Variants in PCDHA5 observed in about 807,000 individuals in gnomAD.
PCDHA5 encodes protocadherin alpha 5, also known as protocadherin alpha-5.
In PCDHA5, 43 loss-of-function variants were observed where a neutral mutation model predicts 61.6. The ratio of observed to expected loss-of-function variants is 0.70; its 90% CI spans 0.55 to 0.90. The LOEUF (loss-of-function observed/expected upper bound fraction) is 0.90. Among genes scored for constraint, PCDHA5 ranks in the 40% least tolerant of loss-of-function variants. The probability of loss-of-function intolerance (pLI) is 0.00; values close to 1 mark genes in which losing one functional copy is unlikely to be tolerated. For missense variants in PCDHA5, 1,298 were observed against 1,222.7 expected, an observed-to-expected ratio of 1.06 and a Z score of -0.92; for synonymous variants, 627 against 543.9, an observed-to-expected ratio of 1.15 and a Z score of -2.13.
intron 1 of PCDHA5, chr5:140,857,534 C>G: frequency 1.9e-6 from 3 of 1,597,458 alleles, no homozygotes; most frequent in Non-Finnish European, 2.6e-6. Flanking sequence ...TCTGGTGGAG[C>G]GGCGGTTGGG....
At chr5:140,870,099 C>T in intron 1 of PCDHA5, 8 of 1,613,912 alleles carry the variant, frequency 5.0e-6, no homozygotes, top group Non-Finnish European at 6.8e-6. Context: ...TGGCAGGTCA[C>T]TGTACAGTCT....
In PCDHA5 at chr5:140,886,016, A is replaced by G. The variant is rs192748955; in HGVS notation, c.2352+61889A>G. Among the ~76,000 whole-genome samples the G allele has an allele frequency of 3.1e-3, 468 of 152,290 alleles. 3 individuals are homozygous for G. Among genetic ancestry groups the G allele is most frequent in the Middle Eastern group, 0.014 (4 of 294 alleles). On this transcript the variant is annotated intron_variant, in intron 1 of 3. Transcript: ENST00000529859. ...GAAAGAAATAGTAAAGGGAGATGCTATGTATTCTTCACTAAGTTTTCCCCA... is the reference window on the plus strand; with the variant it reads ...GAAAGAAATAGTAAAGGGAGATGCTGTGTATTCTTCACTAAGTTTTCCCCA...
chr5:140,875,610 C>T (rs1266412721), intron 1 of PCDHA5: 6 of 1,613,716 alleles, frequency 3.7e-6, no homozygotes, highest in African/African-American at 1.3e-5. Flanking sequence ...CCTTCGTGGG[C>T]CGCATCGCTC....
rs1563652468 is a variant in PCDHA5 at position 141,000,419 on chromosome 5, A to AT, written c.2501-9207dup. The stretch of plus-strand genomic sequence containing the variant: ...TCTATATATATATATATATATATAT[A>AT]TATTTTTTTTTTTTTTTTTTTTTTT... On this transcript the variant is annotated intron_variant, in intron 3 of 3. Transcript: ENST00000529859. 4.4e-3 allele frequency among the ~76,000 whole-genome samples: 271 copies of AT among 60,978 alleles called. 1 individual carries two copies. The highest frequency in any genetic ancestry group is 5.9e-3 in the Non-Finnish European group (210 of 35,644). The allele number at this position is 60,978 out of a possible 152,430, so 40.0% of individuals were successfully genotyped here.
chr5:140,829,952 C>G, intron 1 of PCDHA5: 1 of 1,614,008 alleles, frequency 6.2e-7, no homozygotes, highest in South Asian at 1.1e-5. Context: ...CGCTCGCTTC[C>G]CGTTTCGCGT....
chr5:140,829,963 G>A (rs201706795), intron 1 of PCDHA5: 190 of 1,613,888 alleles, frequency 1.2e-4, no homozygotes, highest in Non-Finnish European at 5.3e-5. Flanking sequence ...CGTTTCGCGT[G>A]GGGCTGTACA....
At chr5:140,962,171 G>A (rs1218733161) in intron 1 of PCDHA5, among the ~76,000 whole-genome samples, 3 of 151,902 alleles carry the variant, frequency 2.0e-5, no homozygotes, top group Non-Finnish European at 4.4e-5. Context: ...CACCACACCC[G>A]GCCACTTATA....
At chr5:140,830,048 G>A (rs2150180232) in intron 1 of PCDHA5, 1 of 1,613,792 alleles carries the variant, frequency 6.2e-7, no homozygotes, top group South Asian at 1.1e-5. Context: ...GCTGGTGAAA[G>A]ACCACGGTGA....
At chr5:140,931,782 C>T (rs967402790) in intron 1 of PCDHA5, among the ~76,000 whole-genome samples, 9 of 151,848 alleles carry the variant, frequency 5.9e-5, no homozygotes, top group Non-Finnish European at 5.9e-5. Flanking sequence ...GTTCAATTAC[C>T]TATTGATCTG....
chr5:140,955,468 T>C (rs1394591179), intron 1 of PCDHA5, among the ~76,000 whole-genome samples: 1 of 152,116 alleles, frequency 6.6e-6, no homozygotes, highest in Non-Finnish European at 1.5e-5. Context: ...TCCTTTTTGC[T>C]TGGCACCTCT....
chr5:140,883,937 G>C, intron 1 of PCDHA5: 3 of 1,613,414 alleles, frequency 1.9e-6, no homozygotes, highest in Non-Finnish European at 2.5e-6. Context: ...GTTCGTGCTG[G>C]ACGAGAACGA....
intron 3 of PCDHA5, among the ~76,000 whole-genome samples, chr5:141,007,371 TG>T (rs2098319446): frequency 7.8e-6 from 1 of 128,740 alleles, no homozygotes. Context: ...GGCAACATGA[TG>T]GAACACCATC....
chr5:140,960,919 A>G (rs542740686), intron 1 of PCDHA5, among the ~76,000 whole-genome samples: 1 of 152,334 alleles, frequency 6.6e-6, no homozygotes, highest in Non-Finnish European at 1.5e-5. Flanking sequence ...CAGATAGAAA[A>G]TTGGTACTAA....
intron 3 of PCDHA5, among the ~76,000 whole-genome samples, chr5:140,997,912 A>G (rs2097790316): frequency 6.6e-6 from 1 of 152,224 alleles, no homozygotes; most frequent in Admixed American, 6.5e-5. Flanking sequence ...GTAGAATTAC[A>G]GAATCATAGG....
chr5:140,862,977 T>A, intron 1 of PCDHA5: 1 of 545,432 alleles, frequency 1.8e-6, no homozygotes, highest in East Asian at 4.8e-5. Context: ...GGCCACTTGG[T>A]GGCGAAGGTG....
chr5:140,876,575 T>C (rs2153342882), intron 1 of PCDHA5: 1 of 1,614,152 alleles, frequency 6.2e-7, no homozygotes, highest in South Asian at 1.1e-5. Context: ...GTGGGTACCG[T>C]CATTGCCCTG....
At chr5:140,923,468 G>T (rs2081380588) in intron 1 of PCDHA5, among the ~76,000 whole-genome samples, 1 of 152,098 alleles carries the variant, frequency 6.6e-6, no homozygotes, top group African/African-American at 2.4e-5. Flanking sequence ...GGTAGGGGCT[G>T]CAGTGAGCCA....
In PCDHA5 at chr5:140,857,214, C is replaced by T. The variant is rs193920994; in HGVS notation, c.2352+33087C>T. ...AACGGACAGGTCACCTGCTCTCTGA[C>T]GCCTCACGTTCCGTTCAAGCTGGTG... is the stretch of plus-strand genomic sequence containing the variant. On this transcript the variant is annotated intron_variant, in intron 1 of 3. Transcript: ENST00000529859. 5 of 1,598,500 alleles carry T rather than the reference C, an allele frequency of 3.1e-6. 1 individual carries two copies. Among genetic ancestry groups the T allele is most frequent in the Non-Finnish European group, 3.4e-6 (4 of 1,167,936 alleles).
Position 140,858,578 on chromosome 5 carries a change from A to T in PCDHA5, c.2352+34451A>T. On this transcript the variant is annotated intron_variant, in intron 1 of 3. Coordinates refer to ENST00000529859, the MANE Select transcript of PCDHA5 (RefSeq NM_018908.3). ...GAATATTTCTAGTGATACCTTTGTA[A>T]TATAATTTATTCCAGGAGTTTTAAA... 3 of 1,350,438 alleles carry T rather than the reference A, an allele frequency of 2.2e-6. No homozygotes were observed. The South Asian group carries it at 4.1e-5, about 18-fold the overall frequency. 83.7% of individuals were successfully genotyped at this position (1,350,438 alleles called of 1,614,324 possible). A position where few individuals can be genotyped will look rare whatever the true frequency, so the allele number is the denominator to read the frequency against.
Sources: gnomAD v4.1 joint callset for allele counts (sites outside exome capture counted in the v4.1 genomes callset) on GRCh38, gnomAD v4.1.1 for gene constraint, MANE v1.5 for transcripts, NCBI Gene and HGNC (gene_info 2026-07-23, HGNC 2026-07-21) for gene names.